Variants in CAST observed in about 807,000 individuals in gnomAD.
The protein encoded by CAST is calpastatin, also known as MIR583 host.
Under a neutral mutation model 119.6 loss-of-function variants are expected in CAST, and 76 were observed. The ratio of observed to expected loss-of-function variants is 0.64; its 90% CI spans 0.53 to 0.77. The LOEUF (loss-of-function observed/expected upper bound fraction) is 0.77, where lower values mean the gene tolerates loss of function less well. Among genes scored for constraint, CAST ranks in the 30% least tolerant of loss-of-function variants. The probability of loss-of-function intolerance (pLI) is 0.00; values close to 1 mark genes in which losing one functional copy is unlikely to be tolerated. For synonymous variants in CAST, 319 were observed against 331.6 expected, an observed-to-expected ratio of 0.96 and a Z score of 0.41; for missense variants, 953 against 946.5, an observed-to-expected ratio of 1.01 and a Z score of -0.09.
chr5:96,102,294 G>A, the CAST span, among the ~76,000 whole-genome samples: 20 of 152,172 alleles, frequency 1.3e-4, no homozygotes, highest in East Asian at 9.7e-4. Context: ...GGGACAGGAC[G>A]GGCAGATAAT....
chr5:96,042,540 TACTC>T, the CAST span, among the ~76,000 whole-genome samples: 1 of 152,342 alleles, frequency 6.6e-6, no homozygotes, highest in East Asian at 1.9e-4. Context: ...AAATGGAAAG[TACTC>T]AGTAAGTGTT....
the CAST span, among the ~76,000 whole-genome samples, chr5:96,400,786 T>C: frequency 1.3e-3 from 199 of 152,326 alleles, 1 homozygote; most frequent in Admixed American, 3.8e-3. Context: ...GGTTCTTGTC[T>C]TTTAGAAGTT....
In CAST at chr5:96,774,135, A is replaced by AT. The variant is rs2067318; in HGVS notation, c.*1522dup. The stretch of plus-strand genomic sequence containing the variant: ...TTCTAACCATGTATCTAATCCTCCC[A>AT]TTTGGGCAGTATAGGTGTTTGCTTT... On this transcript the variant is annotated 3_prime_UTR_variant, in exon 32 of 32. Coordinates refer to ENST00000675179, the MANE Select transcript of CAST (RefSeq NM_001750.7). The AT allele has an allele frequency of 0.064, 9,835 of 153,616 alleles. 368 individuals are homozygous for AT. The highest frequency in any genetic ancestry group is 0.16 in the South Asian group (763 of 4,818). The allele number at this position is 153,616 out of a possible 1,614,324, so 9.5% of individuals were successfully genotyped here. A position where few individuals can be genotyped will look rare whatever the true frequency, so the allele number is the denominator to read the frequency against.
intron 1 of CAST, among the ~76,000 whole-genome samples, chr5:96,667,266 C>T (rs564869453): frequency 1.3e-5 from 2 of 152,280 alleles, no homozygotes; most frequent in Non-Finnish European, 2.9e-5. Context: ...TTTGGTAAAG[C>T]TCAAAGATGT....
the CAST span, among the ~76,000 whole-genome samples, chr5:96,247,373 C>T: frequency 6.6e-6 from 1 of 152,246 alleles, no homozygotes; most frequent in East Asian, 1.9e-4. Context: ...GCTTTGTTTA[C>T]TTGCTTGCCT....
intron 1 of CAST, among the ~76,000 whole-genome samples, chr5:96,631,568 A>AC (rs1747818974): frequency 7.5e-6 from 1 of 133,100 alleles, no homozygotes; most frequent in Non-Finnish European, 1.7e-5. Flanking sequence ...TTTGTGTAAA[A>AC]GTTTTTCTGT....
chr5:96,699,426 G>T (rs1160905291), intron 3 of CAST, among the ~76,000 whole-genome samples: 1 of 152,190 alleles, frequency 6.6e-6, no homozygotes, highest in African/African-American at 2.4e-5. Flanking sequence ...AGAAATCCAG[G>T]AGAGTACAGC....
At chr5:96,122,340 T>C in the CAST span, among the ~76,000 whole-genome samples, 1 of 152,166 alleles carries the variant, frequency 6.6e-6, no homozygotes, top group African/African-American at 2.4e-5. Flanking sequence ...AAAGATAACT[T>C]TTCCTTTCTG....
At chr5:96,395,149 A>G in the CAST span, 8 of 831,508 alleles carry the variant, frequency 9.6e-6, no homozygotes, top group Non-Finnish European at 1.6e-5. Flanking sequence ...ATTTCATGTG[A>G]AAGAAACCAT....
chr5:96,739,439 TAAA>T (rs563645824), intron 11 of CAST, among the ~76,000 whole-genome samples: 4 of 152,332 alleles, frequency 2.6e-5, no homozygotes, highest in African/African-American at 9.6e-5. Flanking sequence ...TAATTTTGAA[TAAA>T]AAATGCAGAA....
At chr5:96,071,189 C>T in the CAST span, among the ~76,000 whole-genome samples, 1 of 151,904 alleles carries the variant, frequency 6.6e-6, no homozygotes, top group African/African-American at 2.4e-5. Flanking sequence ...ACCCACCCTT[C>T]CCTCAGTCCC....
chr5:96,136,553 G>GTCAT, the CAST span, among the ~76,000 whole-genome samples: 4 of 152,122 alleles, frequency 2.6e-5, no homozygotes, highest in African/African-American at 7.2e-5. Context: ...CTGTGGCAGT[G>GTCAT]TCATTGCCTC....
At chr5:96,629,021 G>T (rs955037702) in intron 1 of CAST, among the ~76,000 whole-genome samples, 1 of 151,968 alleles carries the variant, frequency 6.6e-6, no homozygotes, top group Non-Finnish European at 1.5e-5. Context: ...TTTTCGTTCA[G>T]TTTCTCCCAC....
the CAST span, among the ~76,000 whole-genome samples, chr5:96,516,694 G>A: frequency 6.6e-6 from 1 of 152,338 alleles, no homozygotes; most frequent in East Asian, 1.9e-4. Flanking sequence ...GAAGAAGAAT[G>A]TGTATGATTA....
At chr5:96,424,957 C>G in the CAST span, among the ~76,000 whole-genome samples, 1 of 100,832 alleles carries the variant, frequency 9.9e-6, no homozygotes, top group South Asian at 3.5e-4. Context: ...GAGCAAAACT[C>G]TGTCAAAAAA....
the CAST span, among the ~76,000 whole-genome samples, chr5:96,048,655 C>G: frequency 6.6e-6 from 1 of 152,080 alleles, no homozygotes; most frequent in African/African-American, 2.4e-5. Context: ...TGCCTCAAAT[C>G]TCTTCCTGAT....
the CAST span, among the ~76,000 whole-genome samples, chr5:96,323,507 T>G: frequency 6.6e-6 from 1 of 152,202 alleles, no homozygotes; most frequent in Non-Finnish European, 1.5e-5. Context: ...TAAACCATAG[T>G]CCCTTGCTTT....
the CAST span, among the ~76,000 whole-genome samples, chr5:96,325,807 A>C: frequency 6.6e-6 from 1 of 152,128 alleles, no homozygotes; most frequent in East Asian, 1.9e-4. Context: ...AAGCAATATA[A>C]ATTAACAATG....
chr5:96,232,231 G>C, the CAST span, among the ~76,000 whole-genome samples: 1 of 152,178 alleles, frequency 6.6e-6, no homozygotes, highest in African/African-American at 2.4e-5. Context: ...TGGAGGATGA[G>C]AGTGTTGGAA....
Sources: gnomAD v4.1 joint callset for allele counts (sites outside exome capture counted in the v4.1 genomes callset) on GRCh38, gnomAD v4.1.1 for gene constraint, MANE v1.5 for transcripts, NCBI Gene and HGNC (gene_info 2026-07-23, HGNC 2026-07-21) for gene names.